Variants in PAG1 observed in about 807,000 individuals in gnomAD.
PAG1 encodes phosphoprotein membrane anchor with glycosphingolipid microdomains 1, also known as phosphoprotein associated with glycosphingolipid-enriched microdomains 1.
PAG1 carries 23 observed loss-of-function variants against 31.7 expected under a neutral mutation model. The observed-to-expected ratio is 0.73, with a 90% confidence interval of 0.52 to 1.03. The LOEUF (loss-of-function observed/expected upper bound fraction) is 1.03. Among genes scored for constraint, PAG1 ranks in the 50% least tolerant of loss-of-function variants. The pLI, the probability that PAG1 is intolerant of heterozygous loss-of-function variation, is 0.00. For missense variants in PAG1, 473 were observed against 540.7 expected (o/e 0.87, Z 1.24); for synonymous variants, 214 against 210.3 (o/e 1.02, Z -0.15).
At chr8:81,103,154 GAAA>G (rs34583693) in intron 1 of PAG1, among the ~76,000 whole-genome samples, 6 of 61,446 alleles carry the variant, frequency 9.8e-5, no homozygotes, top group African/African-American at 1.6e-4. Context: ...CATTTTGTGG[GAAA>G]AAAAAAAAAA....
At chr8:81,087,398 T>C (rs969428925) in intron 1 of PAG1, among the ~76,000 whole-genome samples, 8 of 151,786 alleles carry the variant, frequency 5.3e-5, no homozygotes, top group Non-Finnish European at 1.0e-4. Context: ...TGACTACATG[T>C]GCCCTTGTAA....
At chr8:81,006,835 A>G (rs1807885703) in intron 3 of PAG1, among the ~76,000 whole-genome samples, 1 of 152,224 alleles carries the variant, frequency 6.6e-6, no homozygotes, top group Non-Finnish European at 1.5e-5. Context: ...CCACAGTATT[A>G]AGAACTTTTT....
At position 81,089,591 on chromosome 8, in the gene PAG1, C is replaced by T. The variant is rs148285340; in HGVS notation, c.-233-19421G>A. On this transcript the variant is annotated intron_variant, in intron 1 of 8. Transcript: ENST00000220597. ...TCAAAAAGGAAAAAAAAAAAAAGAA[C>T]CCTGAGTTTAGGGAACATGAACTGT... Among the ~76,000 whole-genome samples the T allele has an allele frequency of 1.9e-3, 282 of 151,978 alleles. 3 individuals are homozygous for T. The highest frequency in any genetic ancestry group is 6.1e-3 in the African/African-American group (251 of 41,462).
chr8:81,103,689 T>A (rs1809645951), intron 1 of PAG1, among the ~76,000 whole-genome samples: 1 of 152,196 alleles, frequency 6.6e-6, no homozygotes, highest in Non-Finnish European at 1.5e-5. Flanking sequence ...GAGCCGAAAG[T>A]CTCATTAATA....
rs138172836 is a variant in PAG1, at chr8:80,996,786, GTTCTT to G, written c.-80-3484_-80-3480del. On this transcript the variant is annotated intron_variant, in intron 3 of 8. Coordinates refer to ENST00000220597, the MANE Select transcript of PAG1 (RefSeq NM_018440.4). ...TGCAGTGCTTGGGGGTCCTCGTTCT[GTTCTT>G]TTGAGTGAGGGGAAGGTGGAGGGAA... Among the ~76,000 whole-genome samples, 990 of 152,310 alleles carry G rather than the reference GTTCTT, an allele frequency of 6.5e-3. 9 individuals carry two copies. The highest frequency in any genetic ancestry group is 0.023 in the African/African-American group (936 of 41,564).
chr8:80,984,923 C>G lies in PAG1; in HGVS notation c.729G>C (p.Glu243Asp), dbSNP rs1265683231. Reference sequence around the variant, plus strand: ...GATCACATGAATTTCCAAGGATACTCTCTACATTAACACTTTGACGACATT... The same window carrying G: ...GATCACATGAATTTCCAAGGATACTGTCTACATTAACACTTTGACGACATT... ...NKKCRQSVNV[E>D]SILGNSCDPE... The change falls in exon 7 of 9, where the codon GAG becomes GAC. Residue 243 changes from glutamate to aspartate, a missense_variant. Transcript: ENST00000220597. 1.2e-6 allele frequency: 2 copies of G among 1,614,192 alleles called. No homozygotes were observed. The highest frequency in any genetic ancestry group is 3.3e-5 in the Admixed American group (2 of 60,026).
intron 4 of PAG1, among the ~76,000 whole-genome samples, chr8:80,992,433 T>C (rs1807570821): frequency 6.6e-6 from 1 of 152,238 alleles, no homozygotes; most frequent in Non-Finnish European, 1.5e-5. Flanking sequence ...TCTGGTGGCA[T>C]CTAGCCTATC....
At chr8:81,069,908 C>T (rs1330903917) in intron 2 of PAG1, among the ~76,000 whole-genome samples, 3 of 152,208 alleles carry the variant, frequency 2.0e-5, no homozygotes, top group Non-Finnish European at 1.5e-5. Context: ...GTCTTGGTTT[C>T]TATCGCAGAA....
intron 3 of PAG1, among the ~76,000 whole-genome samples, chr8:81,003,367 A>G (rs1474343717): frequency 1.3e-5 from 2 of 152,206 alleles, no homozygotes; most frequent in Non-Finnish European, 2.9e-5. Context: ...GCACTAGTAC[A>G]GATGCTGAAG....
At chr8:81,106,977 C>G (rs1586224042) in intron 1 of PAG1, among the ~76,000 whole-genome samples, 1 of 152,132 alleles carries the variant, frequency 6.6e-6, no homozygotes, top group South Asian at 2.1e-4. Flanking sequence ...ACTGCTGATA[C>G]TTCTTTAGAT....
At chr8:81,088,483 A>G (rs1809396539) in intron 1 of PAG1, among the ~76,000 whole-genome samples, 1 of 152,150 alleles carries the variant, frequency 6.6e-6, no homozygotes. Context: ...CAAAATGACT[A>G]TAATACAAAT....
At chr8:80,997,718 G>A (rs1807708322) in intron 3 of PAG1, among the ~76,000 whole-genome samples, 1 of 152,102 alleles carries the variant, frequency 6.6e-6, no homozygotes, top group Non-Finnish European at 1.5e-5. Flanking sequence ...CACAGAAGAT[G>A]GTAATATTAA....
intron 2 of PAG1, among the ~76,000 whole-genome samples, chr8:81,039,899 C>T (rs1808526227): frequency 6.6e-6 from 1 of 151,928 alleles, no homozygotes; most frequent in African/African-American, 2.4e-5. Context: ...GATGAATGAC[C>T]AAAAAATATG....
At chr8:81,026,071 T>C (rs560852823) in intron 3 of PAG1, among the ~76,000 whole-genome samples, 66 of 152,270 alleles carry the variant, frequency 4.3e-4, no homozygotes, top group Non-Finnish European at 9.3e-4. Flanking sequence ...CTCTCTGAGC[T>C]TTAGTTTCCT....
intron 2 of PAG1, among the ~76,000 whole-genome samples, chr8:81,065,392 T>A (rs1808986695): frequency 1.3e-5 from 2 of 152,170 alleles, no homozygotes; most frequent in Non-Finnish European, 2.9e-5. Flanking sequence ...TATGGAAGTC[T>A]ATGGAAATCA....
intron 2 of PAG1, among the ~76,000 whole-genome samples, chr8:81,037,572 A>G (rs1808481725): frequency 1.3e-5 from 2 of 152,268 alleles, no homozygotes; most frequent in Admixed American, 1.3e-4. Context: ...GAAGCTCTAT[A>G]GCATGCTTCT....
In PAG1 at chr8:80,976,501, C is replaced by CTGTGG. The variant is rs776560328; in HGVS notation, c.*42_*43insCCACA. The CTGTGG allele has an allele frequency of 3.2e-6, 5 of 1,558,194 alleles. No homozygotes were observed. The South Asian group carries it at 5.0e-5, about 16-fold the overall frequency. On this transcript the variant is annotated 3_prime_UTR_variant, in exon 9 of 9. Coordinates refer to ENST00000220597, the MANE Select transcript of PAG1 (RefSeq NM_018440.4). ...CTTCTCTTCCACAGAAGAAACGTCT[C>CTGTGG]CAGACACTGATCACAGGCTACCCAG...
At chr8:81,079,585 A>G (rs1235626472) in intron 1 of PAG1, among the ~76,000 whole-genome samples, 1 of 152,010 alleles carries the variant, frequency 6.6e-6, no homozygotes, top group Non-Finnish European at 1.5e-5. Flanking sequence ...TTTCAGACTG[A>G]GCATATGAGA....
At chr8:81,046,835 CCCT>C (rs1808649954) in intron 2 of PAG1, among the ~76,000 whole-genome samples, 2 of 152,272 alleles carry the variant, frequency 1.3e-5, no homozygotes, top group Middle Eastern at 3.4e-3. Context: ...GTGATGCTCT[CCCT>C]CCTCCTACCC....
Sources: gnomAD v4.1 joint callset for allele counts (sites outside exome capture counted in the v4.1 genomes callset) on GRCh38, gnomAD v4.1.1 for gene constraint, MANE v1.5 for transcripts, NCBI Gene and HGNC (gene_info 2026-07-23, HGNC 2026-07-21) for gene names.